SDK1: variants seen among roughly 807,000 people sequenced by gnomAD.
SDK1 encodes the protein protein sidekick-1.
Under a neutral mutation model 245.5 loss-of-function variants are expected in SDK1, and 157 were observed. The observed-to-expected ratio is 0.64, with a 90% CI of 0.56 to 0.73. The LOEUF (loss-of-function observed/expected upper bound fraction) is 0.73. SDK1 is among the 30% of genes least tolerant of loss of function. The pLI is 0.00. For missense variants in SDK1, 3,583 were observed against 3,002.3 expected (o/e 1.19, Z -4.52); for synonymous variants, 1,647 against 1,278.5 (o/e 1.29, Z -6.15).
rs1780121150 is a variant in SDK1 at position 3,439,175 on chromosome 7, C to T, written c.298+137291C>T. ...GCCCCCCTTTCTATTAATTATCCAA[C>T]ATCTCAAATGTGCAGTTCATCACAT... On this transcript the variant is annotated intron_variant, in intron 1 of 44. Coordinates refer to ENST00000404826, the MANE Select transcript of SDK1 (RefSeq NM_152744.4). 2.0e-5 allele frequency among the ~76,000 whole-genome samples: 3 copies of T among 152,098 alleles called. No homozygotes were observed. In the South Asian group the frequency reaches 6.2e-4, roughly 32 times the overall value.
intron 4 of SDK1, among the ~76,000 whole-genome samples, chr7:3,689,973 G>A (rs1583310535): frequency 2.0e-5 from 3 of 152,176 alleles, no homozygotes; most frequent in African/African-American, 7.2e-5. Flanking sequence ...GTGTGGAAAT[G>A]AATGTTTTGT....
intron 2 of SDK1, among the ~76,000 whole-genome samples, chr7:3,628,087 G>T (rs921944954): frequency 6.6e-6 from 1 of 152,062 alleles, no homozygotes; most frequent in African/African-American, 2.4e-5. Flanking sequence ...CTTTGGCCAC[G>T]CATGAGTAAG....
At chr7:4,245,270 A>G (rs758478476) in intron 43 of SDK1, among the ~76,000 whole-genome samples, 7 of 152,068 alleles carry the variant, frequency 4.6e-5, no homozygotes, top group Admixed American at 3.3e-4. Context: ...ACTCCTTAGC[A>G]TGGCAGATCA....
intron 1 of SDK1, among the ~76,000 whole-genome samples, chr7:3,371,181 C>T (rs1781218834): frequency 6.6e-6 from 1 of 152,134 alleles, no homozygotes; most frequent in Non-Finnish European, 1.5e-5. Context: ...TAGCCAGGCT[C>T]AGAGGAGAAC....
chr7:3,536,610 C>T (rs768576771), intron 1 of SDK1, among the ~76,000 whole-genome samples: 2 of 151,968 alleles, frequency 1.3e-5, no homozygotes, highest in Admixed American at 1.3e-4. Flanking sequence ...ACAAGAATTG[C>T]TCGAACGTGG....
chr7:3,619,880 G>A (rs1441147406), intron 2 of SDK1, among the ~76,000 whole-genome samples: 1 of 152,226 alleles, frequency 6.6e-6, no homozygotes, highest in South Asian at 2.1e-4. Context: ...CTGAGGTGTA[G>A]ATTCACCTGG....
At chr7:3,343,003 A>G (rs1255760563) in intron 1 of SDK1, among the ~76,000 whole-genome samples, 1 of 3,062 alleles carries the variant, frequency 3.3e-4, no homozygotes, top group Non-Finnish European at 1.2e-3. Context: ...TAAATGGCTG[A>G]AAAAAAAAAA....
intron 1 of SDK1, among the ~76,000 whole-genome samples, chr7:3,555,326 T>G (rs1311623411): frequency 6.6e-6 from 1 of 152,104 alleles, no homozygotes; most frequent in African/African-American, 2.4e-5. Flanking sequence ...GAATATACAT[T>G]GGGGAAAGGA....
intron 22 of SDK1, among the ~76,000 whole-genome samples, chr7:4,096,660 G>A (rs1782167709): frequency 6.6e-6 from 1 of 152,132 alleles, no homozygotes; most frequent in South Asian, 2.1e-4. Context: ...CAAGAAGGCT[G>A]CTTGAGACAC....
intron 4 of SDK1, among the ~76,000 whole-genome samples, chr7:3,660,580 T>G (rs894951203): frequency 1.3e-5 from 2 of 152,126 alleles, no homozygotes; most frequent in African/African-American, 4.8e-5. Flanking sequence ...GCAGCCAGGT[T>G]GAAAAAAGGT....
chr7:3,447,137 T>A (rs1349838819), intron 1 of SDK1, among the ~76,000 whole-genome samples: 1 of 152,208 alleles, frequency 6.6e-6, no homozygotes, highest in Non-Finnish European at 1.5e-5. Flanking sequence ...CTCTAAGAGA[T>A]TTATAATTCA....
At chr7:3,765,074 ATAAT>A (rs1780216508) in intron 4 of SDK1, among the ~76,000 whole-genome samples, 1 of 152,172 alleles carries the variant, frequency 6.6e-6, no homozygotes, top group East Asian at 1.9e-4. Flanking sequence ...TTTTCTTTTA[ATAAT>A]TATAGTTTTT....
At chr7:3,469,771 G>C (rs1781124679) in intron 1 of SDK1, among the ~76,000 whole-genome samples, 1 of 152,128 alleles carries the variant, frequency 6.6e-6, no homozygotes, top group African/African-American at 2.4e-5. Flanking sequence ...TTGATCTTCA[G>C]AGAGCTTTAT....
chr7:4,094,894 C>T (rs1234980240), intron 22 of SDK1, among the ~76,000 whole-genome samples: 1 of 152,164 alleles, frequency 6.6e-6, no homozygotes, highest in Non-Finnish European at 1.5e-5. Context: ...TTGGTTTTAC[C>T]TAAAAGGACA....
chr7:4,246,923 G>C (rs573737163), intron 44 of SDK1, among the ~76,000 whole-genome samples: 1 of 152,286 alleles, frequency 6.6e-6, no homozygotes, highest in Non-Finnish European at 1.5e-5. Context: ...CAGCCACGAG[G>C]GGGCTCTAAG....
intron 1 of SDK1, among the ~76,000 whole-genome samples, chr7:3,553,952 A>G (rs754448165): frequency 4.3e-4 from 65 of 152,302 alleles, no homozygotes; most frequent in Non-Finnish European, 5.6e-4. Context: ...AGCGGGCACA[A>G]AGAATGCTGC....
chr7:3,425,191 C>A (rs1471720671), intron 1 of SDK1, among the ~76,000 whole-genome samples: 1 of 151,442 alleles, frequency 6.6e-6, no homozygotes, highest in South Asian at 2.1e-4. Flanking sequence ...TTTTCTTCCC[C>A]ATAAGCTGCT....
At chr7:3,879,308 G>C (rs1460441339) in intron 5 of SDK1, among the ~76,000 whole-genome samples, 1 of 152,214 alleles carries the variant, frequency 6.6e-6, no homozygotes, top group East Asian at 1.9e-4. Context: ...AAATGGTTTG[G>C]TTTCAAGTCA....
chr7:3,832,221 C>G (rs1297189565), intron 5 of SDK1, among the ~76,000 whole-genome samples: 2 of 152,142 alleles, frequency 1.3e-5, no homozygotes, highest in Admixed American at 1.3e-4. Context: ...GTTTTGAACC[C>G]AGGTTTGTCT....
Sources: allele counts gnomAD v4.1 joint callset (sites outside exome capture counted in the v4.1 genomes callset), GRCh38; gene constraint gnomAD v4.1.1; transcripts MANE v1.5; gene names NCBI Gene and HGNC (gene_info 2026-07-23, HGNC 2026-07-21).